Variants in SGIP1 observed in about 807,000 individuals in gnomAD.
The protein encoded by SGIP1 is SH3GL interacting endocytic adaptor 1.
A neutral mutation model predicts 107.5 loss-of-function variants in SGIP1; 38 were observed. The observed-to-expected ratio is 0.35, with a 90% confidence interval of 0.27 to 0.46. The LOEUF (loss-of-function observed/expected upper bound fraction) is 0.46, where lower values mean the gene tolerates loss of function less well. Ranked by LOEUF, SGIP1 falls within the 20% of genes least tolerant of loss-of-function variation. The pLI is 1.00. For missense variants in SGIP1, 929 were observed against 1,019.5 expected, an observed-to-expected ratio of 0.91 and a Z score of 1.21; for synonymous variants, 365 against 366.1, an observed-to-expected ratio of 1.00 and a Z score of 0.03.
chr1:66,742,305 GA>G (rs2094471603), intron 24 of SGIP1, among the ~76,000 whole-genome samples: 1 of 151,878 alleles, frequency 6.6e-6, no homozygotes, highest in Non-Finnish European at 1.5e-5. Flanking sequence ...TGGGGGAGAG[GA>G]ACTCTCTAAT....
At chr1:66,725,477 T>C (rs945011292) in intron 19 of SGIP1, among the ~76,000 whole-genome samples, 1 of 152,094 alleles carries the variant, frequency 6.6e-6, no homozygotes, top group African/African-American at 2.4e-5. Flanking sequence ...AACTTAGAGG[T>C]GAAGTACTAC....
intron 5 of SGIP1, among the ~76,000 whole-genome samples, chr1:66,640,674 G>T (rs2076613829): frequency 6.6e-6 from 1 of 152,080 alleles, no homozygotes; most frequent in Non-Finnish European, 1.5e-5. Flanking sequence ...AGCCAGCCCT[G>T]CTGGGCCTTA....
At chr1:66,699,292 A>T (rs2091511180) in intron 18 of SGIP1, among the ~76,000 whole-genome samples, 1 of 151,996 alleles carries the variant, frequency 6.6e-6, no homozygotes, top group Admixed American at 6.5e-5. Context: ...AGCCTTCCTG[A>T]TTGTGAGAGC....
intron 14 of SGIP1, 150 bp downstream of exon 14, chr1:66,679,902 C>T (rs2086289660): frequency 3.1e-6 from 2 of 641,006 alleles, no homozygotes; most frequent in South Asian, 3.8e-5. Context: ...ATTTCTTATG[C>T]AGACTTATTT....
intron 12 of SGIP1, among the ~76,000 whole-genome samples, chr1:66,676,695 G>A (rs1276738789): frequency 1.3e-5 from 2 of 152,160 alleles, no homozygotes; most frequent in Non-Finnish European, 2.9e-5. Context: ...AACAGAGCCA[G>A]TACATGTACT....
At chr1:66,569,254 T>G (rs2060063402) in intron 1 of SGIP1, among the ~76,000 whole-genome samples, 1 of 151,952 alleles carries the variant, frequency 6.6e-6, no homozygotes, top group Admixed American at 6.6e-5. Flanking sequence ...AGGGCTTTGG[T>G]GCAATGTTGA....
chr1:66,576,350 G>A (rs910532718), intron 1 of SGIP1, among the ~76,000 whole-genome samples: 13 of 152,192 alleles, frequency 8.5e-5, no homozygotes, highest in Admixed American at 5.9e-4. Flanking sequence ...ACAGTGTAAT[G>A]TGGGGTTAGG....
intron 1 of SGIP1, among the ~76,000 whole-genome samples, chr1:66,562,591 A>G (rs2059112439): frequency 6.6e-6 from 1 of 152,088 alleles, no homozygotes; most frequent in Admixed American, 6.6e-5. Flanking sequence ...CCAGCGGCAG[A>G]ATATGCTTAG....
At chr1:66,719,921 A>G (rs112166617) in intron 19 of SGIP1, among the ~76,000 whole-genome samples, 2,022 of 152,254 alleles carry the variant, frequency 0.013, 47 homozygotes, top group African/African-American at 0.047. Flanking sequence ...CTAAATAAGG[A>G]AAAACTGGCC....
intron 13 of SGIP1, among the ~76,000 whole-genome samples, chr1:66,677,584 T>A (rs570590138): frequency 6.6e-6 from 1 of 152,110 alleles, no homozygotes; most frequent in Admixed American, 6.5e-5. Context: ...GAAGCTGAGA[T>A]AGTAGATCAG....
chr1:66,672,001 T>A lies in SGIP1; in HGVS notation c.560+6T>A. On this transcript the variant is annotated splice_donor_region_variant and intron_variant, in intron 11 of 24. Transcript: ENST00000371037. ...CCAACTCCAGAACTTATAAGGTGAGTGTGAAAGACATTAGTTGTGTTTTAT... is the reference window on the plus strand; with the variant it reads ...CCAACTCCAGAACTTATAAGGTGAGAGTGAAAGACATTAGTTGTGTTTTAT... 6.2e-7 allele frequency: 1 copy of A among 1,613,688 alleles called. No individual in the cohort carries two copies. The highest frequency in any genetic ancestry group is 8.5e-7 in the Non-Finnish European group (1 of 1,179,716).
chr1:66,556,727 A>T (rs2058234252), intron 1 of SGIP1, among the ~76,000 whole-genome samples: 1 of 151,296 alleles, frequency 6.6e-6, no homozygotes, highest in Non-Finnish European at 1.5e-5. Context: ...GAGCGTGGAG[A>T]TCAGAAAGTA....
At chr1:66,625,959 G>GCATCTCTT in intron 2 of SGIP1, 49 bp downstream of exon 2, 10 of 1,482,604 alleles carry the variant, frequency 6.7e-6, no homozygotes, top group African/African-American at 1.4e-5. Flanking sequence ...TTGCATAAGA[G>GCATCTCTT]ATGCTCTTAT....
chr1:66,680,330 A>G (rs2086394364), intron 14 of SGIP1, among the ~76,000 whole-genome samples: 2 of 152,246 alleles, frequency 1.3e-5, no homozygotes, highest in Admixed American at 1.3e-4. Context: ...GCACACCTTT[A>G]CCATCTATTA....
At chr1:66,577,879 C>A (rs1437859133) in intron 1 of SGIP1, among the ~76,000 whole-genome samples, 3 of 151,172 alleles carry the variant, frequency 2.0e-5, no homozygotes, top group South Asian at 4.2e-4. Context: ...TGAAATTTTT[C>A]TTTTTTCCCT....
chr1:66,706,737 A>T (rs189526829), intron 18 of SGIP1, among the ~76,000 whole-genome samples: 80 of 152,150 alleles, frequency 5.3e-4, no homozygotes, highest in African/African-American at 1.9e-3. Context: ...GACCACTATT[A>T]TCATTTTGAT....
At chr1:66,689,411 C>T (rs937668783) in intron 16 of SGIP1, 136 bp downstream of exon 16, 50 of 1,114,334 alleles carry the variant, frequency 4.5e-5, no homozygotes, top group Admixed American at 2.3e-4. Context: ...ACAGTCACTG[C>T]GGTATGAGTG....
chr1:66,625,064 G>C (rs1277080724), intron 1 of SGIP1, among the ~76,000 whole-genome samples: 2 of 152,132 alleles, frequency 1.3e-5, no homozygotes, highest in African/African-American at 2.4e-5. Flanking sequence ...CAGCCTACTA[G>C]GGAAACTGAC....
intron 1 of SGIP1, among the ~76,000 whole-genome samples, chr1:66,601,344 G>C (rs61157321): frequency 1.3e-5 from 2 of 152,076 alleles, no homozygotes; most frequent in African/African-American, 4.8e-5. Context: ...CAGCCTGGGC[G>C]ACACAGAGAG....
Sources: allele counts gnomAD v4.1 joint callset (sites outside exome capture counted in the v4.1 genomes callset), GRCh38; gene constraint gnomAD v4.1.1; transcripts MANE v1.5; gene names NCBI Gene and HGNC (gene_info 2026-07-23, HGNC 2026-07-21).